Variants in NRXN1 observed in about 807,000 individuals in gnomAD.
NRXN1 encodes neurexin 1.
NRXN1 carries 39 observed loss-of-function variants against 150.9 expected under a neutral mutation model. The observed-to-expected ratio is 0.26, with a 90% CI of 0.20 to 0.34. NRXN1 has a LOEUF of 0.34. Among genes scored for constraint, NRXN1 ranks in the 10% least tolerant of loss-of-function variants. The pLI is 1.00. For synonymous variants in NRXN1, 924 were observed against 757.0 expected, an observed-to-expected ratio of 1.22 and a Z score of -3.62; for missense variants, 1,815 against 1,949.9, an observed-to-expected ratio of 0.93 and a Z score of 1.30.
chr2:50,536,729 C>T (rs561369494), intron 10 of NRXN1, among the ~76,000 whole-genome samples: 20 of 152,268 alleles, frequency 1.3e-4, no homozygotes, highest in South Asian at 4.1e-4. Flanking sequence ...ACCTTGCAAG[C>T]TTTGTTACAT....
chr2:50,100,674 G>A (rs1000681458), intron 18 of NRXN1, among the ~76,000 whole-genome samples: 2 of 151,902 alleles, frequency 1.3e-5, no homozygotes, highest in Non-Finnish European at 2.9e-5. Flanking sequence ...AATAGCATAC[G>A]TTTGCAGATA....
At chr2:50,590,089 A>C (rs1490012780) in intron 8 of NRXN1, among the ~76,000 whole-genome samples, 1 of 152,222 alleles carries the variant, frequency 6.6e-6, no homozygotes, top group Non-Finnish European at 1.5e-5. Flanking sequence ...AGCATAGTAA[A>C]ATAAATGAAG....
intron 17 of NRXN1, among the ~76,000 whole-genome samples, chr2:50,351,467 G>C (rs1160299412): frequency 6.6e-6 from 1 of 152,076 alleles, no homozygotes. Flanking sequence ...ATGAAATTAA[G>C]GGCTTGTTAA....
intron 19 of NRXN1, among the ~76,000 whole-genome samples, chr2:50,072,376 T>TAAA (rs1696414922): frequency 6.6e-6 from 1 of 152,158 alleles, no homozygotes; most frequent in African/African-American, 2.4e-5. Flanking sequence ...TTGTCTTATT[T>TAAA]AAATATGCTT....
At chr2:50,384,525 A>AT (rs1558640944) in intron 17 of NRXN1, among the ~76,000 whole-genome samples, 8 of 147,102 alleles carry the variant, frequency 5.4e-5, no homozygotes, top group Non-Finnish European at 1.2e-4. Flanking sequence ...AAAAAAAAAA[A>AT]AAAAAAAAAA....
chr2:50,169,914 G>A (rs2059925533), intron 18 of NRXN1, among the ~76,000 whole-genome samples: 1 of 151,936 alleles, frequency 6.6e-6, no homozygotes, highest in African/African-American at 2.4e-5. Flanking sequence ...TGGCACTGGA[G>A]AGGTGAACTA....
At chr2:50,586,652 ATTAAG>A (rs1250189119) in intron 8 of NRXN1, among the ~76,000 whole-genome samples, 1 of 152,112 alleles carries the variant, frequency 6.6e-6, no homozygotes, top group African/African-American at 2.4e-5. Flanking sequence ...GCATACCCTT[ATTAAG>A]TTATTTTCCA....
At chr2:50,457,122 G>C (rs1413890281) in intron 17 of NRXN1, among the ~76,000 whole-genome samples, 1 of 152,054 alleles carries the variant, frequency 6.6e-6, no homozygotes, top group Non-Finnish European at 1.5e-5. Flanking sequence ...TTCATAATCA[G>C]TACCTTTTTA....
At chr2:50,185,045 TG>T (rs2060976858) in intron 18 of NRXN1, among the ~76,000 whole-genome samples, 2 of 152,158 alleles carry the variant, frequency 1.3e-5, no homozygotes, top group South Asian at 4.1e-4. Context: ...AGTGTGACCT[TG>T]GAGGAGACAT....
At chr2:50,324,863 A>C (rs904991209) in intron 17 of NRXN1, among the ~76,000 whole-genome samples, 1 of 152,162 alleles carries the variant, frequency 6.6e-6, no homozygotes, top group African/African-American at 2.4e-5. Flanking sequence ...GAACTCCTTG[A>C]ATTATATTAG....
intron 10 of NRXN1, among the ~76,000 whole-genome samples, chr2:50,537,666 CA>C (rs1334157869): frequency 1.3e-5 from 2 of 152,150 alleles, no homozygotes; most frequent in African/African-American, 4.8e-5. Context: ...AGGTCCTAGC[CA>C]AAGGTAAGTA....
intron 18 of NRXN1, among the ~76,000 whole-genome samples, chr2:50,220,041 T>A (rs1457096459): frequency 7.7e-6 from 1 of 130,192 alleles, no homozygotes; most frequent in Non-Finnish European, 1.6e-5. Flanking sequence ...AAAATATTCC[T>A]AAATAAGTGG....
chr2:50,311,091 A>G (rs2075139866), intron 17 of NRXN1, among the ~76,000 whole-genome samples: 2 of 152,128 alleles, frequency 1.3e-5, no homozygotes, highest in South Asian at 4.1e-4. Flanking sequence ...TTAATGTGGG[A>G]GAAATAAGCT....
intron 5 of NRXN1, among the ~76,000 whole-genome samples, chr2:50,848,116 G>A (rs552536696): frequency 6.6e-6 from 1 of 152,256 alleles, no homozygotes; most frequent in African/African-American, 2.4e-5. Flanking sequence ...TGGGGTTTCA[G>A]GAGCTGTGAA....
chr2:50,968,291 A>G (rs960172430), intron 2 of NRXN1, among the ~76,000 whole-genome samples: 1 of 152,086 alleles, frequency 6.6e-6, no homozygotes, highest in African/African-American at 2.4e-5. Flanking sequence ...CTCTACTAAT[A>G]TGCCTATTGA....
At chr2:50,699,830 C>G (rs1037301768) in intron 5 of NRXN1, among the ~76,000 whole-genome samples, 5 of 152,000 alleles carry the variant, frequency 3.3e-5, no homozygotes, top group African/African-American at 1.2e-4. Flanking sequence ...CTGTTATAAG[C>G]CATTGTTGGC....
chr2:50,860,209 T>C (rs973964162), intron 5 of NRXN1, among the ~76,000 whole-genome samples: 35 of 150,878 alleles, frequency 2.3e-4, no homozygotes, highest in African/African-American at 7.1e-4. Flanking sequence ...GCTTTGTTGA[T>C]AAAAGGACTC....
chr2:50,802,500 TGGAAGGA>T (rs1396429294), intron 5 of NRXN1, among the ~76,000 whole-genome samples: 4 of 88,330 alleles, frequency 4.5e-5, no homozygotes, highest in African/African-American at 1.7e-4. Context: ...GAAAGAGAAA[TGGAAGGA>T]AGGAAGGAAG....
intron 5 of NRXN1, among the ~76,000 whole-genome samples, chr2:50,876,162 T>C (rs991297494): frequency 5.3e-5 from 8 of 151,834 alleles, no homozygotes; most frequent in Non-Finnish European, 1.2e-4. Flanking sequence ...ATTCAAACTG[T>C]TGAAACTCAG....
Sources: gnomAD v4.1 joint callset for allele counts (sites outside exome capture counted in the v4.1 genomes callset) on GRCh38, gnomAD v4.1.1 for gene constraint, MANE v1.5 for transcripts, NCBI Gene and HGNC (gene_info 2026-07-23, HGNC 2026-07-21) for gene names.